Variants in ATF7IP observed in about 807,000 individuals in gnomAD.
ATF7IP encodes activating transcription factor 7-interacting protein 1.
ATF7IP carries 23 observed loss-of-function variants against 106.4 expected under a neutral mutation model. The observed-to-expected ratio is 0.22, with a 90% CI of 0.16 to 0.31. The LOEUF is 0.31. Among genes scored for constraint, ATF7IP ranks in the 10% least tolerant of loss-of-function variants. ATF7IP has a pLI of 1.00. For synonymous variants in ATF7IP, 542 were observed against 539.0 expected (o/e 1.01, Z -0.08); for missense variants, 1,334 against 1,524.3 (o/e 0.88, Z 2.08).
chr12:14,500,778 A>G lies in ATF7IP; in HGVS notation c.*2705A>G, dbSNP rs1945139734. On this transcript the variant is annotated 3_prime_UTR_variant, in exon 15 of 15. Coordinates refer to ENST00000261168, the MANE Select transcript of ATF7IP (RefSeq NM_018179.5). ...TTATATAATCAGATGAAGAAAGCCC[A>G]GTAGAATAAAAAAAAAATTCATTAG... 1 of 152,192 alleles carries G rather than the reference A, an allele frequency of 6.6e-6. No individual in the cohort carries two copies. The highest frequency in any genetic ancestry group is 1.9e-4 in the East Asian group (1 of 5,204). The allele number at this position is 152,192 out of a possible 1,614,324, so 9.4% of individuals were successfully genotyped here. A position where few individuals can be genotyped will look rare whatever the true frequency, so the allele number is the denominator to read the frequency against.
chr12:14,494,518 A>G (rs1022228199), intron 13 of ATF7IP, among the ~76,000 whole-genome samples: 9 of 146,758 alleles, frequency 6.1e-5, no homozygotes, highest in South Asian at 2.1e-4. Context: ...ATATCCTACT[A>G]TATATATACA....
At chr12:14,482,780 C>A (rs1485178061) in intron 13 of ATF7IP, 1 of 152,194 alleles carries the variant, frequency 6.6e-6, no homozygotes, top group African/African-American at 2.4e-5. Flanking sequence ...CCCTTGTCAA[C>A]TTGAATCCAT....
At chr12:14,392,476 AAC>A (rs1939613296) in intron 1 of ATF7IP, among the ~76,000 whole-genome samples, 1 of 152,238 alleles carries the variant, frequency 6.6e-6, no homozygotes. Context: ...TGAAAACTAA[AAC>A]AGACTGTGAA....
intron 13 of ATF7IP, among the ~76,000 whole-genome samples, chr12:14,490,929 A>G (rs1352578398): frequency 2.0e-5 from 3 of 152,108 alleles, no homozygotes; most frequent in Non-Finnish European, 2.9e-5. Context: ...CCCATAGTCA[A>G]ATGTTCAGTT....
intron 12 of ATF7IP, among the ~76,000 whole-genome samples, chr12:14,480,069 C>T (rs1026619393): frequency 2.6e-5 from 4 of 152,156 alleles, no homozygotes; most frequent in South Asian, 2.1e-4. Flanking sequence ...AGACTCACAT[C>T]GAAAGTTAGT....
At chr12:14,370,886 T>A (rs565046170) in intron 1 of ATF7IP, among the ~76,000 whole-genome samples, 1 of 152,194 alleles carries the variant, frequency 6.6e-6, no homozygotes, top group African/African-American at 2.4e-5. Flanking sequence ...AAATCCTTTT[T>A]TGTTAAACAC....
intron 1 of ATF7IP, among the ~76,000 whole-genome samples, chr12:14,414,492 C>T (rs545300036): frequency 7.9e-5 from 12 of 152,292 alleles, no homozygotes; most frequent in African/African-American, 2.9e-4. Flanking sequence ...CATCTGCTAT[C>T]GTTAACGTAT....
In ATF7IP at chr12:14,497,840, G is replaced by T; in HGVS notation, c.3580G>T (p.Asp1194Tyr). 6.2e-7 allele frequency: 1 copy of T among 1,614,116 alleles called. No homozygotes were observed. Among genetic ancestry groups the T allele is most frequent in the Middle Eastern group, 1.6e-4 (1 of 6,062 alleles). The change falls in exon 15 of 15, where the codon GAT becomes TAT. Residue 1194 changes from aspartate to tyrosine, a missense_variant. Asp to Tyr is a radical substitution (Grantham distance 160). Transcript: ENST00000261168. ...GGTGGATCGAAGCTGTGCCACTGTT[G>T]ATAGCTACCATCTCTATGCTTACCA... is the stretch of plus-strand genomic sequence containing the variant. ...LEVDRSCATV[D>Y]SYHLYAYHEE...
chr12:14,390,105 G>A (rs775750531), intron 1 of ATF7IP, among the ~76,000 whole-genome samples: 1 of 152,148 alleles, frequency 6.6e-6, no homozygotes, highest in African/African-American at 2.4e-5. Flanking sequence ...ACTGAATCAC[G>A]TTACCTGCGT....
At chr12:14,430,593 A>G (rs1338778060) in intron 2 of ATF7IP, among the ~76,000 whole-genome samples, 4 of 152,028 alleles carry the variant, frequency 2.6e-5, no homozygotes, top group African/African-American at 7.2e-5. Context: ...TTATATGTTT[A>G]TTGGCCTTTT....
intron 1 of ATF7IP, among the ~76,000 whole-genome samples, chr12:14,406,285 G>A (rs1303195430): frequency 6.6e-6 from 1 of 152,034 alleles, no homozygotes; most frequent in Non-Finnish European, 1.5e-5. Context: ...TTTTAGTAGA[G>A]TTGGGGTTTC....
intron 9 of ATF7IP, among the ~76,000 whole-genome samples, chr12:14,464,623 C>T (rs1351331797): frequency 6.6e-6 from 1 of 151,924 alleles, no homozygotes; most frequent in African/African-American, 2.4e-5. Flanking sequence ...TATTTATATC[C>T]AGAAGTCATC....
rs1180183867 is a variant in ATF7IP at position 14,385,199 on chromosome 12, C to A, written c.-8+19372C>A. ...CTATGTTCAGTTTCCTGCAGGCTGA[C>A]AAAGTGGGAGGGGCTTTGTTTGTTA... is the stretch of plus-strand genomic sequence containing the variant. On this transcript the variant is annotated intron_variant, in intron 1 of 14. Coordinates refer to ENST00000261168, the MANE Select transcript of ATF7IP (RefSeq NM_018179.5). 4 of 491,956 alleles carry A rather than the reference C, an allele frequency of 8.1e-6. No homozygotes were observed. The Admixed American group carries it at 1.1e-4, about 13-fold the overall frequency. 30.5% of individuals were successfully genotyped at this position (491,956 alleles called of 1,614,324 possible). A position where few individuals can be genotyped will look rare whatever the true frequency, so the allele number is the denominator to read the frequency against.
chr12:14,435,957 A>G, intron 3 of ATF7IP, 149 bp from the exon 4 acceptor site: 1 of 723,632 alleles, frequency 1.4e-6, no homozygotes, highest in Non-Finnish European at 2.2e-6. Context: ...TAAAAGCTAT[A>G]TACCTTCTAA....
chr12:14,491,885 A>G (rs111976289), intron 13 of ATF7IP, among the ~76,000 whole-genome samples: 15,885 of 152,258 alleles, frequency 0.1, 1,042 homozygotes, highest in African/African-American at 0.19. Flanking sequence ...TGTCTTCTGC[A>G]TAGGCCACAT....
chr12:14,486,384 G>A (rs1944612855), intron 13 of ATF7IP, among the ~76,000 whole-genome samples: 1 of 152,112 alleles, frequency 6.6e-6, no homozygotes, highest in South Asian at 2.1e-4. Context: ...ATCTCCTTGG[G>A]GAAGGATGGG....
rs140168544 is a variant in ATF7IP at position 14,399,261 on chromosome 12, C to T, written c.-7-24648C>T. Among the ~76,000 whole-genome samples the T allele has an allele frequency of 1.1e-4, 17 of 152,176 alleles. No individual in the cohort carries two copies. The East Asian group carries it at 3.1e-3, about 28-fold the overall frequency. On this transcript the variant is annotated intron_variant, in intron 1 of 14. Coordinates refer to ENST00000261168, the MANE Select transcript of ATF7IP (RefSeq NM_018179.5). ...CTCAGAAGTAATATATTTATTTCCTCACTCTTGCTGACTGCTAGCTTTGCT... is the reference window on the plus strand; with the variant it reads ...CTCAGAAGTAATATATTTATTTCCTTACTCTTGCTGACTGCTAGCTTTGCT...
intron 1 of ATF7IP, among the ~76,000 whole-genome samples, chr12:14,396,716 T>G (rs1277794140): frequency 6.6e-6 from 1 of 152,116 alleles, no homozygotes; most frequent in Non-Finnish European, 1.5e-5. Context: ...GATGGGCTAG[T>G]TTTTACATAT....
chr12:14,430,551 T>A (rs907671138), intron 2 of ATF7IP, among the ~76,000 whole-genome samples: 8 of 152,224 alleles, frequency 5.3e-5, no homozygotes, highest in Admixed American at 4.6e-4. Flanking sequence ...CATGCCTTAT[T>A]TTTCTGATAG....
Sources: allele counts gnomAD v4.1 joint callset (sites outside exome capture counted in the v4.1 genomes callset), GRCh38; gene constraint gnomAD v4.1.1; transcripts MANE v1.5; gene names NCBI Gene and HGNC (gene_info 2026-07-23, HGNC 2026-07-21).